NUDCD3: variants seen among roughly 807,000 people sequenced by gnomAD.
NUDCD3 encodes the protein nudC domain-containing protein 3.
Under a neutral mutation model 39.7 loss-of-function variants are expected in NUDCD3, and 13 were observed. The observed-to-expected ratio is 0.33, with a 90% CI of 0.21 to 0.52. The LOEUF is 0.52. Ranked by LOEUF, NUDCD3 falls within the 20% of genes least tolerant of loss-of-function variation. The pLI, the probability that NUDCD3 is intolerant of heterozygous loss-of-function variation, is 0.96. For synonymous variants in NUDCD3, 175 were observed against 172.4 expected (o/e 1.02, Z -0.12); for missense variants, 453 against 458.1 (o/e 0.99, Z 0.10).
In NUDCD3 at chr7:44,433,850, C is replaced by A. The variant is rs145508975; in HGVS notation, c.510-6147G>T. Among the ~76,000 whole-genome samples the A allele has an allele frequency of 3.8e-3, 576 of 152,244 alleles. 6 individuals carry two copies. Among genetic ancestry groups the A allele is most frequent in the African/African-American group, 0.013 (559 of 41,538 alleles). ...CCAGGAGACAAGGCCAGGGCCTCAGCAAGGCACTCGAGGTAGCCCATGATT... is the reference window on the plus strand; with the variant it reads ...CCAGGAGACAAGGCCAGGGCCTCAGAAAGGCACTCGAGGTAGCCCATGATT... On this transcript the variant is annotated intron_variant, in intron 2 of 5. Transcript: ENST00000355451.
intron 4 of NUDCD3, among the ~76,000 whole-genome samples, chr7:44,394,268 C>T (rs527810436): frequency 6.6e-6 from 1 of 152,308 alleles, no homozygotes; most frequent in South Asian, 2.1e-4. Context: ...GCCAGCTCTA[C>T]CCAGTAAATG....
At chr7:44,430,146 A>C (rs555261507) in intron 2 of NUDCD3, among the ~76,000 whole-genome samples, 19 of 152,352 alleles carry the variant, frequency 1.2e-4, no homozygotes, top group Admixed American at 1.0e-3. Context: ...ACTCCCTAGA[A>C]TATGTAGACA....
intron 2 of NUDCD3, among the ~76,000 whole-genome samples, chr7:44,458,900 T>C (rs941656979): frequency 1.1e-4 from 16 of 150,214 alleles, no homozygotes; most frequent in African/African-American, 3.9e-4. Context: ...CACATCTCAG[T>C]ATACTGACAC....
intron 2 of NUDCD3, among the ~76,000 whole-genome samples, chr7:44,450,551 G>A (rs917019822): frequency 1.4e-4 from 22 of 151,986 alleles, no homozygotes; most frequent in African/African-American, 5.3e-4. Context: ...TAGCACTCTG[G>A]GAGGCTGAGG....
rs1798397188 is a variant in NUDCD3 at position 44,386,103 on chromosome 7, T to C, written c.994A>G (p.Lys332Glu). 2 of 1,614,136 alleles carry C rather than the reference T, an allele frequency of 1.2e-6. No individual in the cohort carries two copies. The highest frequency in any genetic ancestry group is 1.1e-5 in the South Asian group (1 of 91,074). ...GAACCTTCAGCATCCCACCCCTTCT[T>C]CAGCATCTCATGGACTTTCTACAAA... Reference protein sequence around the residue: ...SHELKVHEMLKKGWDAEGSPF... With the variant: ...SHELKVHEMLEKGWDAEGSPF... Residue 332 changes from lysine (K) to glutamate (E), a missense_variant, in exon 6 of 6, where the codon AAG (lysine) becomes GAG (glutamate). Lys to Glu is a moderately conservative substitution (Grantham distance 56). Transcript: ENST00000355451.
At chr7:44,405,229 GC>G (rs1158096115) in intron 3 of NUDCD3, among the ~76,000 whole-genome samples, 1 of 152,174 alleles carries the variant, frequency 6.6e-6, no homozygotes, top group East Asian at 1.9e-4. Flanking sequence ...ACAAAACCAA[GC>G]CTCTAAAAGC....
chr7:44,471,520 A>C (rs1800258042), intron 2 of NUDCD3, among the ~76,000 whole-genome samples: 2 of 152,198 alleles, frequency 1.3e-5, no homozygotes, highest in Admixed American at 1.3e-4. Flanking sequence ...CTGCTGACAG[A>C]ATGAGCAGGG....
chr7:44,439,120 G>A (rs771676998), intron 2 of NUDCD3, among the ~76,000 whole-genome samples: 3 of 152,128 alleles, frequency 2.0e-5, no homozygotes, highest in Admixed American at 1.3e-4. Context: ...CAGTGAGAGC[G>A]GGTGGCCTGG....
At chr7:44,412,695 A>C (rs1438556946) in intron 3 of NUDCD3, among the ~76,000 whole-genome samples, 2 of 152,078 alleles carry the variant, frequency 1.3e-5, no homozygotes, top group African/African-American at 2.4e-5. Flanking sequence ...TGGGAGGCCG[A>C]GGCAGGTGGA....
intron 2 of NUDCD3, among the ~76,000 whole-genome samples, chr7:44,441,452 A>G (rs1050977791): frequency 3.3e-5 from 5 of 152,142 alleles, no homozygotes; most frequent in African/African-American, 9.7e-5. Flanking sequence ...CACATTGTCC[A>G]ATTTTGCTCC....
In NUDCD3 at chr7:44,385,767, T is replaced by G. The variant is rs1199612354; in HGVS notation, c.*244A>C. 2 of 500,108 alleles carry G rather than the reference T, an allele frequency of 4.0e-6. No homozygotes were observed. The highest frequency in any genetic ancestry group is 3.9e-5 in the African/African-American group (2 of 51,498). The allele number at this position is 500,108 out of a possible 1,614,324, so 31.0% of individuals were successfully genotyped here. A position where few individuals can be genotyped will look rare whatever the true frequency, so the allele number is the denominator to read the frequency against. ...CCCAATTTGCTGGGATATCCTCTCC[T>G]GCATTTCAAACACCTTCACTCAGTG... On this transcript the variant is annotated 3_prime_UTR_variant, in exon 6 of 6. Transcript: ENST00000355451.
intron 4 of NUDCD3, among the ~76,000 whole-genome samples, chr7:44,397,303 C>T (rs1798642734): frequency 6.6e-6 from 1 of 152,218 alleles, no homozygotes; most frequent in Non-Finnish European, 1.5e-5. Flanking sequence ...CATTGTTTTG[C>T]AATCAGGTAG....
intron 3 of NUDCD3, among the ~76,000 whole-genome samples, chr7:44,407,566 CAAA>C (rs758475229): frequency 2.1e-5 from 1 of 48,366 alleles, no homozygotes. Context: ...AATTCTGTCT[CAAA>C]AAAAAAAAAA....
At chr7:44,429,063 G>T (rs1799298128) in intron 2 of NUDCD3, among the ~76,000 whole-genome samples, 1 of 152,194 alleles carries the variant, frequency 6.6e-6, no homozygotes, top group South Asian at 2.1e-4. Flanking sequence ...GTTCAAGAGG[G>T]CAGGCTTTCT....
At chr7:44,407,684 A>G (rs949436784) in intron 3 of NUDCD3, among the ~76,000 whole-genome samples, 2 of 152,150 alleles carry the variant, frequency 1.3e-5, no homozygotes, top group Non-Finnish European at 2.9e-5. Context: ...ATATCCAAAA[A>G]TATTTCTATT....
intron 2 of NUDCD3, among the ~76,000 whole-genome samples, chr7:44,434,941 T>C (rs1799437446): frequency 6.6e-6 from 1 of 152,188 alleles, no homozygotes; most frequent in South Asian, 2.1e-4. Context: ...TGACACTCAG[T>C]ATTGCTTTCT....
In NUDCD3 at chr7:44,381,359, G is replaced by C. The variant is rs1230845165; in HGVS notation, c.*4652C>G. 6.6e-6 allele frequency: 1 copy of C among 152,332 alleles called. No individual in the cohort carries two copies. Among genetic ancestry groups the C allele is most frequent in the African/African-American group, 2.4e-5 (1 of 41,448 alleles). The allele number at this position is 152,332 out of a possible 1,614,324, so 9.4% of individuals were successfully genotyped here. On this transcript the variant is annotated 3_prime_UTR_variant, in exon 6 of 6. Coordinates refer to ENST00000355451, the MANE Select transcript of NUDCD3 (RefSeq NM_015332.4). The stretch of plus-strand genomic sequence containing the variant: ...CAGATGGTCTTGCTCTTTGGTTCTG[G>C]GGAGGAGCGCAAAGTGACTGGGCTC...
intron 5 of NUDCD3, among the ~76,000 whole-genome samples, chr7:44,388,258 C>T (rs75921364): frequency 0.027 from 4,086 of 152,288 alleles, 157 homozygotes; most frequent in African/African-American, 0.086. Flanking sequence ...CCGACGTGAA[C>T]GGCAGATGGA....
At chr7:44,487,389 A>G (rs1800632509) in intron 1 of NUDCD3, among the ~76,000 whole-genome samples, 1 of 151,966 alleles carries the variant, frequency 6.6e-6, no homozygotes, top group African/African-American at 2.4e-5. Flanking sequence ...AGAGACACCA[A>G]GCATCCCACA....
Sources: gnomAD v4.1 joint callset for allele counts (sites outside exome capture counted in the v4.1 genomes callset) on GRCh38, gnomAD v4.1.1 for gene constraint, MANE v1.5 for transcripts, NCBI Gene and HGNC (gene_info 2026-07-23, HGNC 2026-07-21) for gene names.